Variants in SNX25 observed in about 807,000 individuals in gnomAD.
The protein encoded by SNX25 is sorting nexin-25.
In SNX25, 62 loss-of-function variants were observed where a neutral mutation model predicts 113.7. The ratio of observed to expected loss-of-function variants is 0.55; its 90% CI spans 0.44 to 0.67. The LOEUF (loss-of-function observed/expected upper bound fraction) is 0.67. SNX25 is among the 30% of genes least tolerant of loss of function. The pLI is 0.00. For missense variants in SNX25, 1,014 were observed against 1,161.0 expected (o/e 0.87, Z 1.84); for synonymous variants, 421 against 436.2 (o/e 0.97, Z 0.43).
Position 185,272,611 on chromosome 4 carries a change from C to T in SNX25, c.1091+5456C>T, listed in dbSNP as rs552769446. Reference sequence around the variant, plus strand: ...CGGGCATCAGGATTTTTAAAAAGCTCCCCTGGTGATCGTAACGTGCAACTA... The same window carrying T: ...CGGGCATCAGGATTTTTAAAAAGCTTCCCTGGTGATCGTAACGTGCAACTA... On this transcript the variant is annotated intron_variant, in intron 5 of 18. Transcript: ENST00000652585. Among the ~76,000 whole-genome samples, 434 of 152,224 alleles carry T rather than the reference C, an allele frequency of 2.9e-3. 1 individual carries two copies. Among genetic ancestry groups the T allele is most frequent in the Admixed American group, 4.7e-3 (72 of 15,290 alleles).
At chr4:185,370,884 T>A, downstream of SNX25, 1 of 1,504,534 alleles carries the variant, frequency 6.6e-7, no homozygotes, top group Non-Finnish European at 9.2e-7. Flanking sequence ...ACGATGCGCC[T>A]AGAGACTGTC....
chr4:185,204,684 A>G (rs1737109049), upstream of SNX25, among the ~76,000 whole-genome samples: 1 of 152,226 alleles, frequency 6.6e-6, no homozygotes, highest in Non-Finnish European at 1.5e-5. Flanking sequence ...AGGATTATCC[A>G]GTGAACCCCA....
intron 5 of SNX25, among the ~76,000 whole-genome samples, chr4:185,283,032 T>C (rs1045388933): frequency 5.9e-5 from 9 of 152,204 alleles, no homozygotes; most frequent in Non-Finnish European, 1.2e-4. Flanking sequence ...CCTCTCGGTA[T>C]CCAGTAACAG....
intron 15 of SNX25, among the ~76,000 whole-genome samples, chr4:185,356,401 A>G (rs2095339369): frequency 6.6e-6 from 1 of 152,164 alleles, no homozygotes; most frequent in African/African-American, 2.4e-5. Flanking sequence ...TGCCCTAGAA[A>G]GACAAAGTGA....
intron 4 of SNX25, among the ~76,000 whole-genome samples, chr4:185,265,398 G>A (rs1463494439): frequency 3.3e-5 from 5 of 152,142 alleles, no homozygotes; most frequent in Admixed American, 2.0e-4. Flanking sequence ...GTAGGCAATA[G>A]TAACACAATG....
intron 1 of SNX25, among the ~76,000 whole-genome samples, chr4:185,226,855 G>C (rs3112909): frequency 0.65 from 99,459 of 152,156 alleles, 32,617 homozygotes; most frequent in East Asian, 0.76. Context: ...CCAATGTTTT[G>C]TAAACATGAC....
At chr4:185,311,596 C>T (rs1319669828) in intron 7 of SNX25, among the ~76,000 whole-genome samples, 2 of 152,218 alleles carry the variant, frequency 1.3e-5, no homozygotes, top group African/African-American at 4.8e-5. Context: ...ATGCCAGACT[C>T]CTCTCTGTAA....
chr4:185,223,129 G>A (rs1160282459), intron 1 of SNX25, among the ~76,000 whole-genome samples: 1 of 152,050 alleles, frequency 6.6e-6, no homozygotes, highest in Admixed American at 6.6e-5. Context: ...ACACCCCTTT[G>A]TATCTCCACC....
chr4:185,235,441 C>A (rs755365335), intron 1 of SNX25, among the ~76,000 whole-genome samples: 1 of 152,156 alleles, frequency 6.6e-6, no homozygotes, highest in Non-Finnish European at 1.5e-5. Context: ...CCTGGGCTTT[C>A]AAGGGACATG....
intron 16 of SNX25, among the ~76,000 whole-genome samples, chr4:185,360,123 G>C (rs1304760988): frequency 1.3e-5 from 2 of 152,232 alleles, no homozygotes; most frequent in Admixed American, 1.3e-4. Flanking sequence ...AAATAACTTA[G>C]ATGATGACCT....
chr4:185,267,919 T>C (rs1329963913), intron 5 of SNX25, among the ~76,000 whole-genome samples: 3 of 152,130 alleles, frequency 2.0e-5, no homozygotes, highest in Non-Finnish European at 4.4e-5. Flanking sequence ...AGAGAAAATA[T>C]ATTTACTATG....
chr4:185,223,491 G>T (rs1740324939), intron 1 of SNX25, among the ~76,000 whole-genome samples: 1 of 152,136 alleles, frequency 6.6e-6, no homozygotes. Context: ...CAAAACTTTG[G>T]CTAGTGGTGT....
At chr4:185,349,675 T>C (rs1188096448) in intron 13 of SNX25, among the ~76,000 whole-genome samples, 1 of 152,216 alleles carries the variant, frequency 6.6e-6, no homozygotes, top group East Asian at 1.9e-4. Context: ...TTTCCATTTT[T>C]ATGTTTTCAT....
chr4:185,362,561 C>T (rs1277327403), intron 17 of SNX25, 50 bp from the exon 18 acceptor site: 1 of 1,535,454 alleles, frequency 6.5e-7, no homozygotes, highest in Admixed American at 1.7e-5. Flanking sequence ...CAAAGCTATG[C>T]ACTGAGCACT....
intron 6 of SNX25, among the ~76,000 whole-genome samples, chr4:185,295,115 T>C (rs781466963): frequency 1.3e-5 from 2 of 152,196 alleles, no homozygotes; most frequent in Non-Finnish European, 2.9e-5. Context: ...AAAGCCAAAT[T>C]TTTAGCGTTA....
At chr4:185,253,170 C>G (rs1005429198) in intron 2 of SNX25, among the ~76,000 whole-genome samples, 35 of 152,296 alleles carry the variant, frequency 2.3e-4, no homozygotes, top group African/African-American at 8.2e-4. Context: ...TAATGTGAAC[C>G]AGATAATTTA....
At chr4:185,313,267 T>G (rs1273843585) in intron 7 of SNX25, among the ~76,000 whole-genome samples, 1 of 152,192 alleles carries the variant, frequency 6.6e-6, no homozygotes, top group Non-Finnish European at 1.5e-5. Context: ...CTAGAGCAGC[T>G]ACTGTGAATA....
At position 185,346,506 on chromosome 4, in the gene SNX25, A is replaced by G. The variant is rs554397212; in HGVS notation, c.2188-31A>G. The G allele has an allele frequency of 6.1e-5, 82 of 1,341,322 alleles. No homozygotes were observed. In the South Asian group the frequency reaches 1.0e-3, roughly 17 times the overall value. 83.1% of individuals were successfully genotyped at this position (1,341,322 alleles called of 1,614,324 possible). On this transcript the variant is annotated intron_variant, in intron 12 of 18. Coordinates refer to ENST00000652585, the MANE Select transcript of SNX25 (RefSeq NM_001378034.2). ...TTTTAAGATTAAAATGTAATTTCAA[A>G]ATACTAACATTTCATTTTTTCCCCC...
At chr4:185,251,677 G>A (rs865963756) in intron 2 of SNX25, among the ~76,000 whole-genome samples, 66 of 151,286 alleles carry the variant, frequency 4.4e-4, no homozygotes, top group Admixed American at 8.6e-4. Context: ...GTGGACACTC[G>A]GGTTGCTTTC....
Sources: gnomAD v4.1 joint callset for allele counts (sites outside exome capture counted in the v4.1 genomes callset) on GRCh38, gnomAD v4.1.1 for gene constraint, MANE v1.5 for transcripts, NCBI Gene and HGNC (gene_info 2026-07-23, HGNC 2026-07-21) for gene names.